Variants in CTNNBL1 observed in about 807,000 individuals in gnomAD.
CTNNBL1 encodes the protein catenin beta like 1.
In CTNNBL1, 31 loss-of-function variants were observed where a neutral mutation model predicts 72.7. The observed-to-expected ratio is 0.43, with a 90% CI of 0.32 to 0.58. The LOEUF (loss-of-function observed/expected upper bound fraction) is 0.58, where lower values mean the gene tolerates loss of function less well. CTNNBL1 is among the 20% of genes least tolerant of loss of function. CTNNBL1 has a pLI of 0.08. For synonymous variants in CTNNBL1, 240 were observed against 267.3 expected (o/e 0.90, Z 1.00); for missense variants, 534 against 725.1 (o/e 0.74, Z 3.03).
At chr20:37,698,327 C>T (rs775029952) in intron 1 of CTNNBL1, among the ~76,000 whole-genome samples, 29 of 152,226 alleles carry the variant, frequency 1.9e-4, no homozygotes, top group Non-Finnish European at 3.8e-4. Flanking sequence ...TCTCCTTCCC[C>T]ATCGCAGGTT....
At position 37,694,054 on chromosome 20, in the gene CTNNBL1, G is replaced by T. The variant is rs570650544; in HGVS notation, c.-69G>T. 94 of 1,548,530 alleles carry T rather than the reference G, an allele frequency of 6.1e-5. No individual in the cohort carries two copies. Among genetic ancestry groups the T allele is most frequent in the Non-Finnish European group, 7.4e-5 (84 of 1,137,366 alleles). ...CGCACTTTACGGCAGTGTGGCTGGA[G>T]CCGCGGCTGACGGGCCCGCGGTCTG... is the stretch of plus-strand genomic sequence containing the variant. On this transcript the variant is annotated 5_prime_UTR_variant, in exon 1 of 16. Coordinates refer to ENST00000361383, the MANE Select transcript of CTNNBL1 (RefSeq NM_030877.5).
intron 15 of CTNNBL1, among the ~76,000 whole-genome samples, chr20:37,870,012 A>G (rs534436035): frequency 0.01 from 1,440 of 137,362 alleles, 13 homozygotes; most frequent in South Asian, 0.03. Flanking sequence ...GCCATCTCCT[A>G]AAAAAAAAAA....
intron 11 of CTNNBL1, among the ~76,000 whole-genome samples, chr20:37,812,300 T>A (rs1336664115): frequency 6.6e-6 from 1 of 152,182 alleles, no homozygotes; most frequent in Non-Finnish European, 1.5e-5. Context: ...AAAGAATGGG[T>A]CCCTACCTCT....
chr20:37,862,631 C>T (rs6021428), intron 15 of CTNNBL1, among the ~76,000 whole-genome samples: 10,129 of 152,196 alleles, frequency 0.067, 424 homozygotes, highest in African/African-American at 0.085. Context: ...AGCAGGTGAG[C>T]GAACCAGTGA....
chr20:37,834,205 C>T (rs1428647133), intron 11 of CTNNBL1, among the ~76,000 whole-genome samples: 2 of 148,290 alleles, frequency 1.3e-5, no homozygotes, highest in African/African-American at 5.3e-5. Flanking sequence ...CTTCTGATAC[C>T]CTCTCTGTGC....
At chr20:37,823,314 T>G (rs1270984727) in intron 11 of CTNNBL1, among the ~76,000 whole-genome samples, 1 of 152,248 alleles carries the variant, frequency 6.6e-6, no homozygotes, top group African/African-American at 2.4e-5. Flanking sequence ...TCCTGTCCTC[T>G]AACTGCCGCC....
At chr20:37,865,303 A>G (rs1365582236) in intron 15 of CTNNBL1, among the ~76,000 whole-genome samples, 1 of 152,212 alleles carries the variant, frequency 6.6e-6, no homozygotes, top group Non-Finnish European at 1.5e-5. Context: ...GTACAAGGGG[A>G]ATGAAGACGG....
At chr20:37,736,466 T>A (rs900986562) in intron 2 of CTNNBL1, among the ~76,000 whole-genome samples, 1 of 152,284 alleles carries the variant, frequency 6.6e-6, no homozygotes, top group South Asian at 2.1e-4. Context: ...TATAATAATA[T>A]TATCTAATAT....
rs907943411 is a variant in CTNNBL1, at chr20:37,724,367, AT to A, written c.31-8502del. On this transcript the variant is annotated intron_variant, in intron 1 of 15. Transcript: ENST00000361383. Reference sequence around the variant, plus strand: ...AAGGATTGCTGTCTTGAAAAATGTAATTTTTTTTTTAAATGTGAGCGAGACT... The same window carrying A: ...AAGGATTGCTGTCTTGAAAAATGTAATTTTTTTTTAAATGTGAGCGAGACT... Among the ~76,000 whole-genome samples the A allele has an allele frequency of 9.3e-5, 14 of 150,818 alleles. No individual in the cohort carries two copies. In the East Asian group the frequency reaches 2.1e-3, roughly 23 times the overall value.
intron 11 of CTNNBL1, among the ~76,000 whole-genome samples, chr20:37,819,085 C>A (rs1310260289): frequency 6.6e-6 from 1 of 152,136 alleles, no homozygotes; most frequent in Non-Finnish European, 1.5e-5. Flanking sequence ...TTAGAGATTT[C>A]TACTTCATTT....
chr20:37,788,416 A>T (rs187834460), intron 10 of CTNNBL1, among the ~76,000 whole-genome samples: 9 of 152,330 alleles, frequency 5.9e-5, no homozygotes, highest in Admixed American at 4.6e-4. Context: ...AACCGTGTTC[A>T]TAGACCCAAA....
At chr20:37,868,784 G>A (rs1216089933) in intron 15 of CTNNBL1, among the ~76,000 whole-genome samples, 5 of 152,112 alleles carry the variant, frequency 3.3e-5, no homozygotes, top group South Asian at 2.1e-4. Flanking sequence ...CAGGGAAGCC[G>A]GCTTTACTGT....
chr20:37,733,123 T>C, intron 2 of CTNNBL1, 56 bp downstream of exon 2: 1 of 1,495,594 alleles, frequency 6.7e-7, no homozygotes, highest in Non-Finnish European at 9.2e-7. Flanking sequence ...AAACGTAATT[T>C]TGGGCCAAAT....
intron 11 of CTNNBL1, 25 bp downstream of exon 11, chr20:37,803,073 C>A: frequency 6.2e-7 from 1 of 1,601,552 alleles, no homozygotes; most frequent in Non-Finnish European, 8.5e-7. Context: ...AGGAGTCAGC[C>A]TAATTTAGGT....
At chr20:37,748,127 G>T (rs1244219547) in intron 4 of CTNNBL1, among the ~76,000 whole-genome samples, 1 of 152,188 alleles carries the variant, frequency 6.6e-6, no homozygotes, top group Non-Finnish European at 1.5e-5. Flanking sequence ...TAGTCTGCTT[G>T]AGTGATATTC....
intron 4 of CTNNBL1, chr20:37,751,163 AT>A (rs1430838579): frequency 2.0e-5 from 3 of 152,200 alleles, no homozygotes; most frequent in African/African-American, 7.2e-5. Context: ...AAAAAAAAAA[AT>A]CATGACTACT....
chr20:37,697,915 A>C lies in CTNNBL1; in HGVS notation c.30+3763A>C, dbSNP rs529739424. ...CCAATCTAGGTAGCTTTGCTTCGTG[A>C]TCATAAACATTTGTTTATTGTGTTA... On this transcript the variant is annotated intron_variant, in intron 1 of 15. Coordinates refer to ENST00000361383, the MANE Select transcript of CTNNBL1 (RefSeq NM_030877.5). Among the ~76,000 whole-genome samples the C allele has an allele frequency of 2.4e-4, 36 of 152,342 alleles. No homozygotes were observed. The South Asian group carries it at 7.5e-3, about 32-fold the overall frequency.
chr20:37,746,868 T>C (rs2073269814), intron 4 of CTNNBL1, among the ~76,000 whole-genome samples: 1 of 152,290 alleles, frequency 6.6e-6, no homozygotes, highest in Non-Finnish European at 1.5e-5. Flanking sequence ...CATCGTGATA[T>C]ATCTGTTCAT....
intron 1 of CTNNBL1, among the ~76,000 whole-genome samples, chr20:37,721,466 T>C (rs1047320722): frequency 6.6e-6 from 1 of 152,238 alleles, no homozygotes; most frequent in Non-Finnish European, 1.5e-5. Context: ...CACAACCAGT[T>C]GGGCATGACT....
Sources: allele counts gnomAD v4.1 joint callset (sites outside exome capture counted in the v4.1 genomes callset), GRCh38; gene constraint gnomAD v4.1.1; transcripts MANE v1.5; gene names NCBI Gene and HGNC (gene_info 2026-07-23, HGNC 2026-07-21).